Variants in WDR64 observed in about 807,000 individuals in gnomAD.
WDR64 encodes the protein WD repeat-containing protein 64.
In WDR64, 112 loss-of-function variants were observed where a neutral mutation model predicts 139.3. That is an observed-to-expected ratio of 0.80 (90% confidence interval 0.69 to 0.94). WDR64 has a LOEUF of 0.94. Ranked by LOEUF, WDR64 falls within the 40% of genes least tolerant of loss-of-function variation. The pLI is 0.00. For missense variants in WDR64, 1,206 were observed against 1,293.1 expected (o/e 0.93, Z 1.03); for synonymous variants, 444 against 437.7 (o/e 1.01, Z -0.18).
intron 14 of WDR64, among the ~76,000 whole-genome samples, chr1:241,755,081 T>C (rs1009017748): frequency 1.3e-5 from 2 of 152,240 alleles, no homozygotes; most frequent in Non-Finnish European, 1.5e-5. Flanking sequence ...TTTGGGTATA[T>C]ACCAAGTAAT....
At chr1:241,744,918 T>C (rs1179609731) in intron 13 of WDR64, among the ~76,000 whole-genome samples, 2 of 152,196 alleles carry the variant, frequency 1.3e-5, no homozygotes, top group Non-Finnish European at 2.9e-5. Context: ...AGACAAAACA[T>C]CCAGCCAACT....
Position 241,723,452 on chromosome 1 carries a change from T to C in WDR64, c.1194+16T>C, listed in dbSNP as rs10926548. 291,838 of 1,609,894 alleles carry C rather than the reference T, an allele frequency of 0.18. 27,509 individuals are homozygous for C. Among genetic ancestry groups the C allele is most frequent in the Admixed American group, 0.31 (18,167 of 59,354 alleles). Reference sequence around the variant, plus strand: ...CTCTGCAAAGGTAACAAAAAGAAAATAACAAAACAAAACTAGTTTTTTCCG... The same window carrying C: ...CTCTGCAAAGGTAACAAAAAGAAAACAACAAAACAAAACTAGTTTTTTCCG... On this transcript the variant is annotated intron_variant, in intron 10 of 27. Coordinates refer to ENST00000437684, the MANE Select transcript of WDR64 (RefSeq NM_001367482.1).
intron 8 of WDR64, among the ~76,000 whole-genome samples, chr1:241,695,385 A>G (rs1031174987): frequency 3.9e-5 from 6 of 152,190 alleles, no homozygotes; most frequent in Non-Finnish European, 8.8e-5. Context: ...CCATGCTACC[A>G]TATTTATAGC....
At chr1:241,686,443 C>T (rs1267808189) in intron 7 of WDR64, among the ~76,000 whole-genome samples, 1 of 152,174 alleles carries the variant, frequency 6.6e-6, no homozygotes, top group East Asian at 1.9e-4. Context: ...ACTTTCATGC[C>T]TTGAGCTGTA....
At position 241,801,227 on chromosome 1, in the gene WDR64, C is replaced by A. The variant is rs755281950; in HGVS notation, c.*12C>A. 5.0e-6 allele frequency: 8 copies of A among 1,609,808 alleles called. No homozygotes were observed. Among genetic ancestry groups the A allele is most frequent in the Non-Finnish European group, 6.8e-6 (8 of 1,176,496 alleles). ...CTATACCCAAGTAAGGAGAAAAAATCAGAAATGGCTGCTGCACATAAAATG... is the reference window on the plus strand; with the variant it reads ...CTATACCCAAGTAAGGAGAAAAAATAAGAAATGGCTGCTGCACATAAAATG... On this transcript the variant is annotated 3_prime_UTR_variant, in exon 28 of 28. Coordinates refer to ENST00000437684, the MANE Select transcript of WDR64 (RefSeq NM_001367482.1).
chr1:241,668,126 T>C (rs1405503186), intron 2 of WDR64, among the ~76,000 whole-genome samples: 2 of 152,182 alleles, frequency 1.3e-5, no homozygotes, highest in Non-Finnish European at 2.9e-5. Flanking sequence ...ATTTTTGTTT[T>C]TAAGATGGGA....
chr1:241,722,488 A>G (rs80053053), intron 9 of WDR64, among the ~76,000 whole-genome samples: 1,657 of 152,316 alleles, frequency 0.011, 29 homozygotes, highest in African/African-American at 0.037. Context: ...CATTCGTTGC[A>G]GTATTGCTGA....
At chr1:241,749,445 T>C in intron 13 of WDR64, 102 bp from the exon 14 acceptor site, 1 of 1,349,534 alleles carries the variant, frequency 7.4e-7, no homozygotes, top group South Asian at 1.4e-5. Context: ...TAGGATAAAT[T>C]GTTGGCAGAA....
At chr1:241,784,235 C>T (rs557410718) in intron 23 of WDR64, among the ~76,000 whole-genome samples, 12 of 152,172 alleles carry the variant, frequency 7.9e-5, no homozygotes, top group South Asian at 6.2e-4. Context: ...CAGAATTTTA[C>T]GTGGGGGAGT....
Position 241,801,425 on chromosome 1 carries a change from C to A in WDR64, c.*210C>A, listed in dbSNP as rs1011916810. 10 of 482,764 alleles carry A rather than the reference C, an allele frequency of 2.1e-5. No individual in the cohort carries two copies. The highest frequency in any genetic ancestry group is 3.3e-5 in the Non-Finnish European group (9 of 271,384). 29.9% of individuals were successfully genotyped at this position (482,764 alleles called of 1,614,324 possible). A position where few individuals can be genotyped will look rare whatever the true frequency, so the allele number is the denominator to read the frequency against. On this transcript the variant is annotated 3_prime_UTR_variant, in exon 28 of 28. Transcript: ENST00000437684. ...AGCAGCAAGCAGCCAGAAGTTTAGG[C>A]GGTGTTTCTTATTTACTGTCAGCAA...
At chr1:241,734,952 T>A (rs1044339029) in intron 10 of WDR64, among the ~76,000 whole-genome samples, 1 of 152,182 alleles carries the variant, frequency 6.6e-6, no homozygotes, top group African/African-American at 2.4e-5. Context: ...CATACCCCTG[T>A]CCTTAAGCAG....
At chr1:241,711,672 A>G (rs1314642146) in intron 8 of WDR64, 130 bp from the exon 9 acceptor site, 2 of 816,706 alleles carry the variant, frequency 2.4e-6, no homozygotes, top group East Asian at 5.3e-5. Context: ...ATTACTTGTA[A>G]TACGGCCTGG....
At chr1:241,746,058 A>G (rs191362855) in intron 13 of WDR64, among the ~76,000 whole-genome samples, 11 of 152,330 alleles carry the variant, frequency 7.2e-5, no homozygotes, top group Admixed American at 6.5e-4. Context: ...GAGGGTAGGC[A>G]CTATGATTAT....
rs138275252 is a variant in WDR64 at position 241,778,905 on chromosome 1, G to A, written c.2537-1099G>A. Among the ~76,000 whole-genome samples the A allele has an allele frequency of 3.9e-3, 599 of 151,868 alleles. 3 individuals are homozygous for A. The highest frequency in any genetic ancestry group is 6.2e-3 in the Admixed American group (95 of 15,252). On this transcript the variant is annotated intron_variant, in intron 21 of 27. Transcript: ENST00000437684. ...CATTATTTTTAACAAACCATTATCC[G>A]GTAGATCAATTAACAAAAATAAAGT... is the stretch of plus-strand genomic sequence containing the variant.
At chr1:241,711,107 C>G (rs980701349) in intron 8 of WDR64, among the ~76,000 whole-genome samples, 3 of 152,062 alleles carry the variant, frequency 2.0e-5, no homozygotes, top group African/African-American at 7.2e-5. Context: ...TGTGGTGGCA[C>G]ATGCCTGTAA....
At chr1:241,738,655 A>G (rs1306400703) in intron 11 of WDR64, among the ~76,000 whole-genome samples, 166 bp downstream of exon 11, 1 of 152,164 alleles carries the variant, frequency 6.6e-6, no homozygotes. Context: ...TCTTTCCTAT[A>G]TATTTCTGTG....
chr1:241,766,213 T>G lies in WDR64; in HGVS notation c.1948-5T>G. 6.2e-7 allele frequency: 1 copy of G among 1,613,462 alleles called. No homozygotes were observed. Among genetic ancestry groups the G allele is most frequent in the Non-Finnish European group, 8.5e-7 (1 of 1,179,608 alleles). ...TTATGGTGTTCTGTTTCCTTCGTTC[T>G]TCAGAATCCCACCATGGATTTATTA... On this transcript the variant is annotated splice_region_variant and splice_polypyrimidine_tract_variant and intron_variant, in intron 15 of 27. Transcript: ENST00000437684.
intron 21 of WDR64, among the ~76,000 whole-genome samples, chr1:241,776,223 C>T (rs1574089569): frequency 1.3e-5 from 2 of 152,066 alleles, no homozygotes; most frequent in Non-Finnish European, 2.9e-5. Context: ...GGACTACAGG[C>T]ATGCACCACC....
At chr1:241,755,688 T>TTTAGGTCTTACATTTAAGTCTTTAA (rs1220531178) in intron 14 of WDR64, among the ~76,000 whole-genome samples, 1 of 152,234 alleles carries the variant, frequency 6.6e-6, no homozygotes, top group African/African-American at 2.4e-5. Flanking sequence ...TTTTTATGGT[T>TTTAGGTCTTACATTTAAGTCTTTAA]TTAGGTCTTA....
Sources: allele counts gnomAD v4.1 joint callset (sites outside exome capture counted in the v4.1 genomes callset), GRCh38; gene constraint gnomAD v4.1.1; transcripts MANE v1.5; gene names NCBI Gene and HGNC (gene_info 2026-07-23, HGNC 2026-07-21).